USP34: variants seen among roughly 807,000 people sequenced by gnomAD.
USP34 encodes the protein ubiquitin carboxyl-terminal hydrolase 34.
Under a neutral mutation model 460.3 loss-of-function variants are expected in USP34, and 70 were observed. That is an observed-to-expected ratio of 0.15 (90% confidence interval 0.13 to 0.19). The LOEUF is 0.19. Ranked by LOEUF, USP34 falls within the 10% of genes least tolerant of loss-of-function variation. USP34 has a pLI of 1.00. For synonymous variants in USP34, 1,647 were observed against 1,405.3 expected, an observed-to-expected ratio of 1.17 and a Z score of -3.85; for missense variants, 3,985 against 4,236.2, an observed-to-expected ratio of 0.94 and a Z score of 1.65.
At chr2:61,397,207 C>A (rs1274158037) in intron 3 of USP34, among the ~76,000 whole-genome samples, 1 of 152,000 alleles carries the variant, frequency 6.6e-6, no homozygotes, top group Admixed American at 6.6e-5. Flanking sequence ...CTTTGGGAGG[C>A]CAAGGTGGGC....
chr2:61,223,188 T>G (rs1207610987), intron 63 of USP34, 24 bp from the exon 64 acceptor site: 2 of 1,613,258 alleles, frequency 1.2e-6, no homozygotes, highest in Non-Finnish European at 1.7e-6. Context: ...AAGTTGTTCA[T>G]TTAAGAACCG....
chr2:61,304,526 G>C (rs1242037142), intron 27 of USP34, among the ~76,000 whole-genome samples: 2 of 152,200 alleles, frequency 1.3e-5, no homozygotes, highest in African/African-American at 4.8e-5. Context: ...ATATCAGGCA[G>C]AGTCCTCCAT....
In USP34 at chr2:61,188,051, G is replaced by C; in HGVS notation, c.*51C>G. 1 of 1,561,446 alleles carries C rather than the reference G, an allele frequency of 6.4e-7. No individual in the cohort carries two copies. Among genetic ancestry groups the C allele is most frequent in the Non-Finnish European group, 8.6e-7 (1 of 1,156,304 alleles). ...CAAATAAGCAAAACTTATACAAACAGCATGGGGGTTGGGGGTGAGGGACTT... is the reference window on the plus strand; with the variant it reads ...CAAATAAGCAAAACTTATACAAACACCATGGGGGTTGGGGGTGAGGGACTT... On this transcript the variant is annotated 3_prime_UTR_variant, in exon 80 of 80. Transcript: ENST00000398571.
At chr2:61,219,489 G>T (rs1187782311) in intron 67 of USP34, among the ~76,000 whole-genome samples, 2 of 152,038 alleles carry the variant, frequency 1.3e-5, no homozygotes, top group South Asian at 2.1e-4. Flanking sequence ...TGGTCAACAC[G>T]GTAAAACCCT....
chr2:61,399,806 G>C (rs1199562472), intron 3 of USP34, among the ~76,000 whole-genome samples: 1 of 141,562 alleles, frequency 7.1e-6, no homozygotes, highest in Non-Finnish European at 1.5e-5. Context: ...CTGAGAGGCA[G>C]AGGTTGCAGT....
chr2:61,324,319 C>T (rs547121064), intron 21 of USP34, among the ~76,000 whole-genome samples: 41 of 152,240 alleles, frequency 2.7e-4, no homozygotes, highest in African/African-American at 8.7e-4. Context: ...TAACTGTTAA[C>T]GAAACTGAGT....
intron 1 of USP34, among the ~76,000 whole-genome samples, chr2:61,464,519 T>C (rs748831956): frequency 5.3e-5 from 8 of 152,140 alleles, no homozygotes; most frequent in Non-Finnish European, 2.9e-5. Context: ...ACATGAATTA[T>C]CCATTTTGGA....
intron 21 of USP34, among the ~76,000 whole-genome samples, chr2:61,320,190 T>C (rs1450869835): frequency 6.6e-6 from 1 of 152,252 alleles, no homozygotes; most frequent in Non-Finnish European, 1.5e-5. Context: ...TATTCATTCA[T>C]TTGCTCATTT....
intron 10 of USP34, among the ~76,000 whole-genome samples, chr2:61,367,640 T>C (rs1259766424): frequency 1.3e-5 from 2 of 152,062 alleles, no homozygotes; most frequent in African/African-American, 4.8e-5. Flanking sequence ...TCACTAAATA[T>C]AGTAAAAGAA....
chr2:61,459,062 T>A (rs548046555), intron 1 of USP34, among the ~76,000 whole-genome samples: 1 of 152,112 alleles, frequency 6.6e-6, no homozygotes, highest in Non-Finnish European at 1.5e-5. Context: ...CAAGACTCCA[T>A]CTCGGGAAAA....
intron 49 of USP34, among the ~76,000 whole-genome samples, chr2:61,247,128 T>C (rs1056655278): frequency 6.6e-6 from 1 of 152,190 alleles, no homozygotes; most frequent in African/African-American, 2.4e-5. Context: ...ATTTAAAATA[T>C]AAAGGTAATA....
chr2:61,187,951 C>T lies in USP34; in HGVS notation c.*151G>A. On this transcript the variant is annotated 3_prime_UTR_variant, in exon 80 of 80. Coordinates refer to ENST00000398571, the MANE Select transcript of USP34 (RefSeq NM_014709.4). ...CAAGTTTTTTTCATCTGGAGTTCTG[C>T]CTGACCAAGAATTAAGCCTATAAAT... 2 of 1,436,508 alleles carry T rather than the reference C, an allele frequency of 1.4e-6. No individual in the cohort carries two copies. The highest frequency in any genetic ancestry group is 1.8e-6 in the Non-Finnish European group (2 of 1,093,658). The allele number at this position is 1,436,508 out of a possible 1,614,324, so 89.0% of individuals were successfully genotyped here. A position where few individuals can be genotyped will look rare whatever the true frequency, so the allele number is the denominator to read the frequency against.
chr2:61,364,521 T>C (rs1419982837), intron 10 of USP34, among the ~76,000 whole-genome samples: 1 of 152,218 alleles, frequency 6.6e-6, no homozygotes, highest in Non-Finnish European at 1.5e-5. Flanking sequence ...ATATCTTATA[T>C]CCCATTAACT....
At chr2:61,350,510 C>G in intron 11 of USP34, 58 bp downstream of exon 11, 1 of 1,551,842 alleles carries the variant, frequency 6.4e-7, no homozygotes, top group Non-Finnish European at 8.7e-7. Flanking sequence ...ATCTGAATCA[C>G]AAGGAAATTT....
At chr2:61,319,092 A>C (rs1690836690) in intron 22 of USP34, 81 bp downstream of exon 22, 4 of 1,355,802 alleles carry the variant, frequency 3.0e-6, no homozygotes, top group Admixed American at 3.1e-5. Context: ...CAAAAAAAAA[A>C]AGGCATTACA....
intron 27 of USP34, among the ~76,000 whole-genome samples, chr2:61,306,369 C>A (rs1183592614): frequency 6.6e-6 from 1 of 152,166 alleles, no homozygotes; most frequent in Non-Finnish European, 1.5e-5. Context: ...TGTCAAAGAA[C>A]AGATGGTTGT....
chr2:61,315,020 A>G, intron 23 of USP34, 46 bp from the exon 24 acceptor site: 1 of 1,466,992 alleles, frequency 6.8e-7, no homozygotes, highest in Admixed American at 1.8e-5. Flanking sequence ...TTGTCAAACT[A>G]TGTAACTCAT....
chr2:61,235,170 A>C (rs1688029476), intron 57 of USP34, among the ~76,000 whole-genome samples: 1 of 152,222 alleles, frequency 6.6e-6, no homozygotes. Context: ...TCATTTCAAA[A>C]TGTATACATA....
chr2:61,190,816 T>G, intron 76 of USP34, 158 bp from the exon 77 acceptor site: 4 of 857,806 alleles, frequency 4.7e-6, no homozygotes, highest in Non-Finnish European at 6.8e-6. Context: ...CCTATTGAAT[T>G]TTTAGTTAAC....
Sources: gnomAD v4.1 joint callset for allele counts (sites outside exome capture counted in the v4.1 genomes callset) on GRCh38, gnomAD v4.1.1 for gene constraint, MANE v1.5 for transcripts, NCBI Gene and HGNC (gene_info 2026-07-23, HGNC 2026-07-21) for gene names.